The following SLC22A4 variants were observed in gnomAD, a reference collection of about 807,000 sequenced individuals.
The protein encoded by SLC22A4 is ET transporter.
In SLC22A4, 39 loss-of-function variants were observed where a neutral mutation model predicts 56.6. The observed-to-expected ratio is 0.69, with a 90% confidence interval of 0.53 to 0.90. The LOEUF is 0.90. Ranked by LOEUF, SLC22A4 falls within the 40% of genes least tolerant of loss-of-function variation. SLC22A4 has a pLI of 0.00. For missense variants in SLC22A4, 594 were observed against 696.5 expected, an observed-to-expected ratio of 0.85 and a Z score of 1.66; for synonymous variants, 241 against 281.4, an observed-to-expected ratio of 0.86 and a Z score of 1.44.
chr5:132,331,937 G>T, intron 6 of SLC22A4, 87 bp downstream of exon 6: 1 of 888,792 alleles, frequency 1.1e-6, no homozygotes, highest in South Asian at 1.3e-5. Flanking sequence ...TTATGACAAC[G>T]ACTGGGTTTT....
chr5:132,342,284 T>A (rs1277624140), intron 9 of SLC22A4, among the ~76,000 whole-genome samples: 1 of 152,108 alleles, frequency 6.6e-6, no homozygotes, highest in Non-Finnish European at 1.5e-5. Flanking sequence ...AACAATTCAG[T>A]AGGAAAACCA....
At chr5:132,309,687 A>G (rs1021700198) in intron 1 of SLC22A4, among the ~76,000 whole-genome samples, 1 of 152,260 alleles carries the variant, frequency 6.6e-6, no homozygotes, top group African/African-American at 2.4e-5. Flanking sequence ...CTTGGTTTCA[A>G]TGCTTTGCCA....
At position 132,340,745 on chromosome 5, in the gene SLC22A4, G is replaced by A. The variant is rs763541197; in HGVS notation, c.1580+45G>A. 18 of 1,566,026 alleles carry A rather than the reference G, an allele frequency of 1.1e-5. No homozygotes were observed. The Admixed American group carries it at 2.7e-4, about 23-fold the overall frequency. ...AAATGATACCAAAATGCCTTAGGGA[G>A]AATAAGCATGGAAGAATAGCTAGGA... is the stretch of plus-strand genomic sequence containing the variant. On this transcript the variant is annotated intron_variant, in intron 9 of 9. Coordinates refer to ENST00000200652, the MANE Select transcript of SLC22A4 (RefSeq NM_003059.3).
At chr5:132,328,528 C>T (rs1750746695) in intron 5 of SLC22A4, among the ~76,000 whole-genome samples, 1 of 152,052 alleles carries the variant, frequency 6.6e-6, no homozygotes, top group African/African-American at 2.4e-5. Flanking sequence ...AATCCTTTGC[C>T]CTTCAAATCA....
At chr5:132,329,900 C>A (rs1750806220) in intron 5 of SLC22A4, among the ~76,000 whole-genome samples, 1 of 152,190 alleles carries the variant, frequency 6.6e-6, no homozygotes. Context: ...TCGAAGTAGG[C>A]AAGCCCAGGG....
intron 8 of SLC22A4, 104 bp from the exon 9 acceptor site, chr5:132,340,461 A>T: frequency 9.2e-7 from 1 of 1,085,362 alleles, no homozygotes; most frequent in Non-Finnish European, 1.4e-6. Flanking sequence ...GTTCAGATTT[A>T]AATCCATTCT....
At chr5:132,306,431 ATATATATATATAGTT>A (rs1437858904) in intron 1 of SLC22A4, among the ~76,000 whole-genome samples, 2 of 72,022 alleles carry the variant, frequency 2.8e-5, no homozygotes, top group African/African-American at 1.5e-4. Context: ...ATATATATAT[ATATATATATATAGTT>A]GTTGTTGTTG....
At chr5:132,317,700 C>T (rs960537845) in intron 3 of SLC22A4, among the ~76,000 whole-genome samples, 62 of 152,314 alleles carry the variant, frequency 4.1e-4, no homozygotes, top group Non-Finnish European at 5.0e-4. Flanking sequence ...CTATATTTAA[C>T]CTTTTGAGGA....
At chr5:132,307,865 T>C (rs1266561416) in intron 1 of SLC22A4, among the ~76,000 whole-genome samples, 2 of 152,162 alleles carry the variant, frequency 1.3e-5, no homozygotes, top group Non-Finnish European at 2.9e-5. Context: ...TTTATAGCTC[T>C]GGTAAAAACT....
At chr5:132,332,269 G>A (rs1489092893) in intron 6 of SLC22A4, 50 of 274,302 alleles carry the variant, frequency 1.8e-4, no homozygotes, top group South Asian at 1.2e-3. Context: ...AGCCTTGATC[G>A]CACTACTGTA....
chr5:132,327,429 T>A (rs1291766857), intron 5 of SLC22A4, 26 bp downstream of exon 5: 2 of 1,596,668 alleles, frequency 1.3e-6, no homozygotes, highest in Non-Finnish European at 1.7e-6. Context: ...TGTTTCCTCT[T>A]GAGATCAGCT....
chr5:132,335,765 A>C (rs937081559), intron 7 of SLC22A4, 53 bp from the exon 8 acceptor site: 14 of 1,424,834 alleles, frequency 9.8e-6, no homozygotes, highest in Admixed American at 5.0e-5. Context: ...TAACTGATAT[A>C]AGAAAGTATC....
intron 1 of SLC22A4, among the ~76,000 whole-genome samples, chr5:132,308,128 G>C (rs998841496): frequency 6.6e-6 from 1 of 152,172 alleles, no homozygotes; most frequent in East Asian, 1.9e-4. Context: ...CCTTCTGCTG[G>C]AGGATGGTGA....
chr5:132,330,658 G>GGAGGTTGCA (rs1750830519), intron 5 of SLC22A4, among the ~76,000 whole-genome samples: 1 of 152,064 alleles, frequency 6.6e-6, no homozygotes, highest in Non-Finnish European at 1.5e-5. Context: ...CCTGGGAGGC[G>GGAGGTTGCA]GAGGTTGCAG....
Position 132,294,804 on chromosome 5 carries a change from G to A in SLC22A4, c.188G>A (p.Arg63His), listed in dbSNP as rs567991307. The A allele has an allele frequency of 6.2e-6, 10 of 1,612,802 alleles. No homozygotes were observed. The South Asian group carries it at 6.6e-5, about 11-fold the overall frequency. ...PDAANLSSAW[R>H]NNSVPLRLRD... ...GCCGCGAACCTGAGCAGCGCCTGGC[G>A]CAACAACAGTGTCCCGCTGCGGCTG... Residue 63 changes from arginine to histidine, a missense_variant, in exon 1 of 10, where the codon CGC becomes CAC. By Grantham distance (29) the Arg-to-His change is conservative. Transcript: ENST00000200652. This position sits in a 1 kb window ranked among gnomAD's most constrained non-coding sequence, Gnocchi z 5.6.
At chr5:132,320,426 A>G (rs1750497788) in intron 3 of SLC22A4, among the ~76,000 whole-genome samples, 1 of 152,252 alleles carries the variant, frequency 6.6e-6, no homozygotes, top group Non-Finnish European at 1.5e-5. Flanking sequence ...ACCAGTGCAT[A>G]GCAGGAAGGT....
intron 1 of SLC22A4, among the ~76,000 whole-genome samples, chr5:132,300,935 G>T (rs573136425): frequency 3.3e-5 from 5 of 152,340 alleles, no homozygotes; most frequent in African/African-American, 9.6e-5. Context: ...GAGACCTACT[G>T]CAGGGGTCAG....
At chr5:132,307,398 T>A (rs1420926201) in intron 1 of SLC22A4, among the ~76,000 whole-genome samples, 1 of 152,252 alleles carries the variant, frequency 6.6e-6, no homozygotes, top group Non-Finnish European at 1.5e-5. Flanking sequence ...TGAATTCCAT[T>A]TATCAAATCC....
rs1240856904 is a variant in SLC22A4, at chr5:132,322,168, C to T, written c.653-16C>T. On this transcript the variant is annotated splice_polypyrimidine_tract_variant and intron_variant, in intron 3 of 9. Transcript: ENST00000200652. ...AGTGAGTTAATATGCTAATACTCCT[C>T]CCTTGTTTTGAACAGGAACAGAAAT... 2 of 1,608,798 alleles carry T rather than the reference C, an allele frequency of 1.2e-6. No homozygotes were observed. The highest frequency in any genetic ancestry group is 2.2e-5 in the South Asian group (2 of 90,960).
Sources: allele counts gnomAD v4.1 joint callset (sites outside exome capture counted in the v4.1 genomes callset), GRCh38; gene constraint gnomAD v4.1.1; non-coding constraint Gnocchi (gnomAD v3.1); transcripts MANE v1.5; gene names NCBI Gene and HGNC (gene_info 2026-07-23, HGNC 2026-07-21).